The following SPATA9 variants were observed in gnomAD, a reference collection of about 807,000 sequenced individuals.
The protein encoded by SPATA9 is spermatogenesis associated 9.
Under a neutral mutation model 25.5 loss-of-function variants are expected in SPATA9, and 27 were observed. The observed-to-expected ratio is 1.06, with a 90% CI of 0.78 to 1.46. The LOEUF (loss-of-function observed/expected upper bound fraction) is 1.46, where lower values mean the gene tolerates loss of function less well. Ranked by LOEUF, SPATA9 falls within the 40% of genes most tolerant of loss-of-function variation. SPATA9 has a pLI of 0.00. For missense variants in SPATA9, 282 were observed against 297.5 expected (o/e 0.95, Z 0.38); for synonymous variants, 102 against 105.7 (o/e 0.97, Z 0.21).
At position 95,664,031 on chromosome 5, in the gene SPATA9, CAAAG is replaced by C. The variant is rs774589875; in HGVS notation, c.392_395del (p.Ser131CysfsTer13). The C allele has an allele frequency of 6.7e-5, 106 of 1,579,674 alleles. 1 individual carries two copies. The highest frequency in any genetic ancestry group is 5.9e-4 in the South Asian group (50 of 85,140). On this transcript the variant is annotated frameshift_variant, in exon 4 of 5. Coordinates refer to ENST00000274432, the MANE Select transcript of SPATA9 (RefSeq NM_031952.4). LOFTEE classifies it high-confidence loss of function. Reference sequence around the variant, plus strand: ...TTGCTGGAAAGGAGATGATTTCAAACAAAGAACCCTTTCTGACCTGCAAAAACAG... The same window carrying C: ...TTGCTGGAAAGGAGATGATTTCAAACAACCCTTTCTGACCTGCAAAAACAG...
the SPATA9 span, among the ~76,000 whole-genome samples, chr5:95,727,773 A>G: frequency 6.6e-6 from 1 of 152,252 alleles, no homozygotes; most frequent in South Asian, 2.1e-4. Flanking sequence ...GATATCAGGA[A>G]ATGGACCATC....
At chr5:95,691,196 AC>A (rs1753880839) in intron 1 of SPATA9, among the ~76,000 whole-genome samples, 1 of 148,126 alleles carries the variant, frequency 6.8e-6, no homozygotes, top group African/African-American at 2.5e-5. Flanking sequence ...AGCCTGGGCG[AC>A]AGAGCAAGAC....
At chr5:95,676,695 T>G (rs937883926) in intron 2 of SPATA9, among the ~76,000 whole-genome samples, 1 of 152,204 alleles carries the variant, frequency 6.6e-6, no homozygotes, top group Non-Finnish European at 1.5e-5. Context: ...TTTTCCAGAT[T>G]AGTGAATTTG....
chr5:95,731,339 A>C, the SPATA9 span: 1 of 1,105,420 alleles, frequency 9.0e-7, no homozygotes. Flanking sequence ...CAGCGGCAGC[A>C]GGAGGCGACA....
chr5:95,715,847 T>C, the SPATA9 span, among the ~76,000 whole-genome samples: 1 of 152,140 alleles, frequency 6.6e-6, no homozygotes, highest in Non-Finnish European at 1.5e-5. Context: ...AACTAAAATC[T>C]AGAATACAGA....
intron 1 of SPATA9, among the ~76,000 whole-genome samples, chr5:95,690,487 T>C (rs1275497881): frequency 6.6e-6 from 1 of 152,148 alleles, no homozygotes; most frequent in Non-Finnish European, 1.5e-5. Context: ...ATTTTGAAGG[T>C]TAATGGAGTC....
chr5:95,719,465 G>A, the SPATA9 span, among the ~76,000 whole-genome samples: 1 of 152,174 alleles, frequency 6.6e-6, no homozygotes, highest in South Asian at 2.1e-4. Context: ...ATCAGGGAAT[G>A]GGGCAAGTTA....
chr5:95,686,379 A>G (rs572976058), upstream of SPATA9, among the ~76,000 whole-genome samples: 26 of 152,288 alleles, frequency 1.7e-4, no homozygotes, highest in Middle Eastern at 6.8e-3. Context: ...CCAAAATTAT[A>G]TGTACACAAA....
chr5:95,660,506 T>C (rs1751165198), intron 4 of SPATA9, among the ~76,000 whole-genome samples: 2 of 152,224 alleles, frequency 1.3e-5, no homozygotes, highest in African/African-American at 4.8e-5. Context: ...TAAGATACTG[T>C]CATTCAGATA....
At chr5:95,724,624 C>G in the SPATA9 span, among the ~76,000 whole-genome samples, 1 of 152,130 alleles carries the variant, frequency 6.6e-6, no homozygotes, top group African/African-American at 2.4e-5. Context: ...CACCACCACG[C>G]CCGGCTAATT....
chr5:95,658,767 T>C lies in SPATA9; in HGVS notation c.621A>G (p.Glu207=). ...VLSEPMFAEG[E]IKAKPYRSLP... is the part of the protein sequence containing the mutation. ...ATGACCTATAAGGTTTTGCTTTGAT[T>C]TCACCTTCAGCAAACATAGGCTCCG... Residue 207 remains glutamate, a synonymous_variant, in exon 5 of 5, where the codon GAA becomes GAG. Transcript: ENST00000274432. 6.2e-7 allele frequency: 1 copy of C among 1,613,902 alleles called. No individual in the cohort carries two copies. The highest frequency in any genetic ancestry group is 8.5e-7 in the Non-Finnish European group (1 of 1,179,894).
Position 95,658,587 on chromosome 5 carries a change from A to G in SPATA9, c.*36T>C. ...TGTCAGATGAAATGTGCCATTAAAT[A>G]GATAACTCTTAAGTTCTGTTCAGTG... On this transcript the variant is annotated 3_prime_UTR_variant, in exon 5 of 5. Coordinates refer to ENST00000274432, the MANE Select transcript of SPATA9 (RefSeq NM_031952.4). 2 of 1,567,066 alleles carry G rather than the reference A, an allele frequency of 1.3e-6. No homozygotes were observed. The highest frequency in any genetic ancestry group is 1.7e-6 in the Non-Finnish European group (2 of 1,158,664).
rs200330491 is a variant in SPATA9, at chr5:95,682,615, G to C, written c.63C>G (p.Ile21Met). The C allele has an allele frequency of 1.2e-6, 2 of 1,609,016 alleles. No homozygotes were observed. The highest frequency in any genetic ancestry group is 1.7e-6 in the Non-Finnish European group (2 of 1,178,232). ...GQVLKNFSGR[I>M]EGIQKAIMDL... ...CCATGATTGCTTTCTGGATCCCCTC[G>C]ACTAAGACAAAAAGAGGTTAGGAAA... Residue 21 changes from isoleucine (I) to methionine (M), a missense_variant and splice_region_variant, in exon 2 of 5, where the codon ATC becomes ATG. Physicochemically the swap from Ile to Met is conservative, Grantham distance 10 (BLOSUM62 1). Transcript: ENST00000274432.
At chr5:95,730,085 A>G in the SPATA9 span, among the ~76,000 whole-genome samples, 1 of 143,384 alleles carries the variant, frequency 7.0e-6, no homozygotes, top group Non-Finnish European at 1.6e-5. Flanking sequence ...AAATTAGATT[A>G]AAAAAAAAAA....
At chr5:95,657,373 T>G (rs1750824984), downstream of SPATA9, 1 of 151,704 alleles carries the variant, frequency 6.6e-6, no homozygotes, top group South Asian at 2.1e-4. Flanking sequence ...CATGCAAAAA[T>G]CAGCAGCACA....
At chr5:95,689,154 G>A (rs193092460) in intron 1 of SPATA9, among the ~76,000 whole-genome samples, 34 of 152,200 alleles carry the variant, frequency 2.2e-4, no homozygotes, top group Non-Finnish European at 2.5e-4. Flanking sequence ...CCAACAACAC[G>A]ATATGAGATC....
chr5:95,669,367 T>C (rs952670251), intron 3 of SPATA9, among the ~76,000 whole-genome samples: 42 of 152,192 alleles, frequency 2.8e-4, no homozygotes, highest in Non-Finnish European at 4.8e-4. Flanking sequence ...TCCTGATATT[T>C]ATGAGGTTTA....
chr5:95,666,265 C>T (rs1366792837), intron 3 of SPATA9, among the ~76,000 whole-genome samples: 2 of 152,268 alleles, frequency 1.3e-5, no homozygotes, highest in South Asian at 4.1e-4. Flanking sequence ...CATTAAGCTA[C>T]GCTGCCTTGG....
At chr5:95,687,034 A>C (rs1753765782), upstream of SPATA9, among the ~76,000 whole-genome samples, 1 of 152,228 alleles carries the variant, frequency 6.6e-6, no homozygotes, top group South Asian at 2.1e-4. Context: ...TTGCTACATC[A>C]GTAGTGGTAC....
Sources: gnomAD v4.1 joint callset for allele counts (sites outside exome capture counted in the v4.1 genomes callset) on GRCh38, gnomAD v4.1.1 for gene constraint, MANE v1.5 for transcripts, NCBI Gene and HGNC (gene_info 2026-07-23, HGNC 2026-07-21) for gene names.